C19orf33: variants seen among roughly 807,000 people sequenced by gnomAD.
C19orf33 encodes chromosome 19 open reading frame 33.
C19orf33 carries 9 observed loss-of-function variants against 9.7 expected under a neutral mutation model. The observed-to-expected ratio is 0.93, with a 90% CI of 0.56 to 1.61. The LOEUF is 1.61. C19orf33 is among the 40% of genes most tolerant of loss of function. The pLI, the probability that C19orf33 is intolerant of heterozygous loss-of-function variation, is 0.00. For synonymous variants in C19orf33, 61 were observed against 54.8 expected, an observed-to-expected ratio of 1.11 and a Z score of -0.50; for missense variants, 145 against 137.9, an observed-to-expected ratio of 1.05 and a Z score of -0.26.
rs1968896700 is a variant in C19orf33 at position 38,304,490 on chromosome 19, G to A, written c.138G>A (p.Lys46=). Residue 46 remains lysine, a splice_region_variant and synonymous_variant, in exon 2 of 4, where the codon AAG becomes AAA. Transcript: ENST00000301246. ...RSEAGAGPGP[K]QGHHSSSDSS... ...AGGCAGGGGCAGGTCCGGGTCCAAA[G>A]GTAAGTCGCCTCATCACCGGCTGCG... The A allele has an allele frequency of 1.3e-6, 2 of 1,556,794 alleles. No homozygotes were observed. The highest frequency in any genetic ancestry group is 1.4e-5 in the African/African-American group (1 of 73,458).
Position 38,304,510 on chromosome 19 carries a change from G to A in C19orf33, c.138+20G>A. The A allele has an allele frequency of 5.8e-6, 9 of 1,563,082 alleles. No individual in the cohort carries two copies. The highest frequency in any genetic ancestry group is 7.8e-6 in the Non-Finnish European group (9 of 1,153,878). On this transcript the variant is annotated intron_variant, in intron 2 of 3. Coordinates refer to ENST00000301246, the MANE Select transcript of C19orf33 (RefSeq NM_033520.3). Reference sequence around the variant, plus strand: ...CCAAAGGTAAGTCGCCTCATCACCGGCTGCGGAGGGGCGGGAAGGCTGGGG... The same window carrying A: ...CCAAAGGTAAGTCGCCTCATCACCGACTGCGGAGGGGCGGGAAGGCTGGGG...
chr19:38,304,946 G>A lies in C19orf33; in HGVS notation c.303G>A (p.Lys101=), dbSNP rs1568350843. Residue 101 remains lysine, a synonymous_variant, in exon 4 of 4, where the codon AAG becomes AAA. Transcript: ENST00000301246. ...KEKGKKEKGK[K]KEAPH is the part of the protein sequence containing the mutation. ...AGGGCAAGAAGGAGAAGGGCAAGAA[G>A]AAGGAGGCTCCCCACTGAAGGGCCC... 1 of 1,610,278 alleles carries A rather than the reference G, an allele frequency of 6.2e-7. No homozygotes were observed. Among genetic ancestry groups the A allele is most frequent in the African/African-American group, 1.3e-5 (1 of 74,820 alleles).
chr19:38,304,922 G>A lies in C19orf33; in HGVS notation c.279G>A (p.Lys93=). ...AGCCCAAAGTGAAGAAGAAGGAGAA[G>A]GGCAAGAAGGAGAAGGGCAAGAAGA... The part of the protein sequence containing the change: ...AKKPKVKKKE[K]GKKEKGKKKE... Residue 93 remains lysine, a synonymous_variant, in exon 4 of 4, where the codon AAG becomes AAA. Transcript: ENST00000301246. 6.2e-7 allele frequency: 1 copy of A among 1,612,314 alleles called. No individual in the cohort carries two copies.
chr19:38,304,571 A>C, intron 2 of C19orf33, 53 bp from the exon 3 acceptor site: 1 of 1,609,362 alleles, frequency 6.2e-7, no homozygotes, highest in Non-Finnish European at 8.5e-7. Flanking sequence ...TTAGGCCTCC[A>C]ACTTCAGGGG....
rs1214783347 is a variant in C19orf33 at position 38,304,837 on chromosome 19, C to T, written c.202-8C>T. 1 of 1,613,706 alleles carries T rather than the reference C, an allele frequency of 6.2e-7. No individual in the cohort carries two copies. Among genetic ancestry groups the T allele is most frequent in the Admixed American group, 1.7e-5 (1 of 60,030 alleles). ...TCTTCTCTCCCATCCCTGCCCTCGG[C>T]CCCACAGTCCCACGCTGCTGGCTCC... On this transcript the variant is annotated splice_region_variant and splice_polypyrimidine_tract_variant and intron_variant, in intron 3 of 3. Coordinates refer to ENST00000301246, the MANE Select transcript of C19orf33 (RefSeq NM_033520.3).
Position 38,304,929 on chromosome 19 carries a change from A to G in C19orf33, c.286A>G (p.Lys96Glu), listed in dbSNP as rs776688714. 12 of 1,612,512 alleles carry G rather than the reference A, an allele frequency of 7.4e-6. No homozygotes were observed. Among genetic ancestry groups the G allele is most frequent in the African/African-American group, 1.3e-5 (1 of 74,584 alleles). ...PKVKKKEKGK[K>E]EKGKKKEAPH is the part of the protein sequence containing the mutation. ...AGTGAAGAAGAAGGAGAAGGGCAAG[A>G]AGGAGAAGGGCAAGAAGAAGGAGGC... Residue 96 changes from lysine to glutamate, a missense_variant, in exon 4 of 4, where the codon AAG (lysine) becomes GAG (glutamate). Lys to Glu is a moderately conservative substitution (Grantham distance 56). Transcript: ENST00000301246.
rs371034707 is a variant in C19orf33, at chr19:38,304,700, G to C, written c.201+14G>C. Reference sequence around the variant, plus strand: ...ACGGATGTGAAGGTAAGGGGCTCTCGCCAGCGTCCCCAAGCACGTGCCCTG... The same window carrying C: ...ACGGATGTGAAGGTAAGGGGCTCTCCCCAGCGTCCCCAAGCACGTGCCCTG... On this transcript the variant is annotated intron_variant, in intron 3 of 3. Transcript: ENST00000301246. 1 of 1,613,618 alleles carries C rather than the reference G, an allele frequency of 6.2e-7. No homozygotes were observed. The highest frequency in any genetic ancestry group is 8.5e-7 in the Non-Finnish European group (1 of 1,179,962).
chr19:38,304,404 G>GT lies in C19orf33; in HGVS notation c.53dup (p.Ala20GlyfsTer?). ...GGAGCCCACCTCCCAGAAGCCCGGT[G>GT]TGGGGGCGGGCCACGGGGGAGATCC... is the stretch of plus-strand genomic sequence containing the variant. On this transcript the variant is annotated frameshift_variant, in exon 2 of 4. Coordinates refer to ENST00000301246, the MANE Select transcript of C19orf33 (RefSeq NM_033520.3). LOFTEE classifies it high-confidence loss of function. 6.4e-7 allele frequency: 1 copy of GT among 1,570,558 alleles called. No homozygotes were observed. The highest frequency in any genetic ancestry group is 1.3e-5 in the African/African-American group (1 of 74,308).
Position 38,304,839 on chromosome 19 carries a change from CCA to C in C19orf33, c.202-3_202-2del. 6.2e-7 allele frequency: 1 copy of C among 1,613,714 alleles called. No individual in the cohort carries two copies. The highest frequency in any genetic ancestry group is 8.5e-7 in the Non-Finnish European group (1 of 1,179,980). ...TTCTCTCCCATCCCTGCCCTCGGCCCCACAGTCCCACGCTGCTGGCTCCAAGC... is the reference window on the plus strand; with the variant it reads ...TTCTCTCCCATCCCTGCCCTCGGCCCCAGTCCCACGCTGCTGGCTCCAAGC... On this transcript the variant is annotated splice_region_variant and splice_polypyrimidine_tract_variant and intron_variant, in intron 3 of 3. Transcript: ENST00000301246.
Position 38,304,479 on chromosome 19 carries a change from C to T in C19orf33, c.127C>T (p.Pro43Ser). 6 of 1,555,724 alleles carry T rather than the reference C, an allele frequency of 3.9e-6. No individual in the cohort carries two copies. The highest frequency in any genetic ancestry group is 5.2e-6 in the Non-Finnish European group (6 of 1,150,052). Residue 43 changes from proline to serine, a missense_variant, in exon 2 of 4, where the codon CCG becomes TCG. Pro to Ser is a moderately conservative substitution (Grantham distance 74). Transcript: ENST00000301246. Reference sequence around the variant, plus strand: ...GGGCCGGTCGGAGGCAGGGGCAGGTCCGGGTCCAAAGGTAAGTCGCCTCAT... The same window carrying T: ...GGGCCGGTCGGAGGCAGGGGCAGGTTCGGGTCCAAAGGTAAGTCGCCTCAT... ...VQGRSEAGAG[P>S]GPKQGHHSSS... is the part of the protein sequence containing the mutation.
Position 38,304,481 on chromosome 19 carries a change from G to A in C19orf33, c.129G>A (p.Pro43=), listed in dbSNP as rs1412970127. 5.8e-6 allele frequency: 9 copies of A among 1,555,318 alleles called. No individual in the cohort carries two copies. Among genetic ancestry groups the A allele is most frequent in the African/African-American group, 1.4e-5 (1 of 73,400 alleles). ...VQGRSEAGAG[P]GPKQGHHSSS... ...GCCGGTCGGAGGCAGGGGCAGGTCC[G>A]GGTCCAAAGGTAAGTCGCCTCATCA... is the stretch of plus-strand genomic sequence containing the variant. Residue 43 remains proline, a synonymous_variant, in exon 2 of 4, where the codon CCG becomes CCA. Transcript: ENST00000301246.
Position 38,304,570 on chromosome 19 carries a change from C to T in C19orf33, c.139-54C>T, listed in dbSNP as rs557919273. On this transcript the variant is annotated intron_variant, in intron 2 of 3. Coordinates refer to ENST00000301246, the MANE Select transcript of C19orf33 (RefSeq NM_033520.3). ...ACCCCAGGGTCCTGCCTTAGGCCTC[C>T]AACTTCAGGGGGCTGGGTAAGGGGC... The T allele has an allele frequency of 5.3e-5, 86 of 1,609,124 alleles. 1 individual carries two copies. In the South Asian group the frequency reaches 9.3e-4, roughly 17 times the overall value.
At position 38,304,830 on chromosome 19, in the gene C19orf33, C is replaced by A. The variant is rs200992867; in HGVS notation, c.202-15C>A. On this transcript the variant is annotated splice_polypyrimidine_tract_variant and intron_variant, in intron 3 of 3. Coordinates refer to ENST00000301246, the MANE Select transcript of C19orf33 (RefSeq NM_033520.3). Reference sequence around the variant, plus strand: ...AACCATCTCTTCTCTCCCATCCCTGCCCTCGGCCCCACAGTCCCACGCTGC... The same window carrying A: ...AACCATCTCTTCTCTCCCATCCCTGACCTCGGCCCCACAGTCCCACGCTGC... The A allele has an allele frequency of 5.4e-5, 87 of 1,613,698 alleles. No homozygotes were observed. In the Admixed American group the frequency reaches 6.8e-4, roughly 13 times the overall value.
At chr19:38,304,723 C>G in intron 3 of C19orf33, 37 bp downstream of exon 3, 1 of 1,613,458 alleles carries the variant, frequency 6.2e-7, no homozygotes, top group Non-Finnish European at 8.5e-7. Context: ...AGCACGTGCC[C>G]TGCACCCCAG....
rs534734617 is a variant in C19orf33 at position 38,304,763 on chromosome 19, G to T, written c.201+77G>T. 46 of 1,612,122 alleles carry T rather than the reference G, an allele frequency of 2.9e-5. No individual in the cohort carries two copies. In the Admixed American group the frequency reaches 6.2e-4, roughly 22 times the overall value. ...GCGTCCCCGCACTGGGGCTGGCGGG[G>T]AGGGTGCGGGGAGTGGTCCCCCTGT... On this transcript the variant is annotated intron_variant, in intron 3 of 3. Transcript: ENST00000301246.
chr19:38,304,395 A>G lies in C19orf33; in HGVS notation c.43A>G (p.Lys15Glu), dbSNP rs762121560. 3.2e-6 allele frequency: 5 copies of G among 1,576,896 alleles called. No individual in the cohort carries two copies. The African/African-American group carries it at 4.0e-5, about 13-fold the overall frequency. ...CACAGCCCTGGAGCCCACCTCCCAG[A>G]AGCCCGGTGTGGGGGCGGGCCACGG... ...LGAALEPTSQ[K>E]PGVGAGHGGD... The change falls in exon 2 of 4, where the codon AAG becomes GAG. Residue 15 changes from lysine to glutamate, a missense_variant. Physicochemically the swap from Lys to Glu is moderately conservative, Grantham distance 56. Transcript: ENST00000301246.
chr19:38,304,383 C>G lies in C19orf33; in HGVS notation c.31C>G (p.Pro11Ala), dbSNP rs1036310233. ...CCAACTTCTCTCCACAGCCCTGGAG[C>G]CCACCTCCCAGAAGCCCGGTGTGGG... MEFDLGAALE[P>A]TSQKPGVGAG... The change falls in exon 2 of 4, where the codon CCC becomes GCC. Residue 11 changes from proline to alanine, a missense_variant. Transcript: ENST00000301246. The G allele has an allele frequency of 6.3e-7, 1 of 1,582,720 alleles. No individual in the cohort carries two copies. Among genetic ancestry groups the G allele is most frequent in the South Asian group, 1.1e-5 (1 of 87,056 alleles).
At position 38,304,476 on chromosome 19, in the gene C19orf33, G is replaced by A. The variant is rs1478666290; in HGVS notation, c.124G>A (p.Gly42Ser). 1 of 1,555,450 alleles carries A rather than the reference G, an allele frequency of 6.4e-7. No homozygotes were observed. The highest frequency in any genetic ancestry group is 8.7e-7 in the Non-Finnish European group (1 of 1,149,902). The stretch of plus-strand genomic sequence containing the variant: ...TCAGGGCCGGTCGGAGGCAGGGGCA[G>A]GTCCGGGTCCAAAGGTAAGTCGCCT... ...KVQGRSEAGAGPGPKQGHHSS... is the reference protein window; with the variant it reads ...KVQGRSEAGASPGPKQGHHSS... Residue 42 changes from glycine (G) to serine (S), a missense_variant, in exon 2 of 4, where the codon GGT (glycine) becomes AGT (serine). By Grantham distance (56) the Gly-to-Ser change is moderately conservative. Coordinates refer to ENST00000301246, the MANE Select transcript of C19orf33 (RefSeq NM_033520.3).
In C19orf33 at chr19:38,304,699, C is replaced by T. The variant is rs894171155; in HGVS notation, c.201+13C>T. 6.2e-7 allele frequency: 1 copy of T among 1,613,648 alleles called. No individual in the cohort carries two copies. The highest frequency in any genetic ancestry group is 1.1e-5 in the South Asian group (1 of 91,084). On this transcript the variant is annotated intron_variant, in intron 3 of 3. Coordinates refer to ENST00000301246, the MANE Select transcript of C19orf33 (RefSeq NM_033520.3). ...CACGGATGTGAAGGTAAGGGGCTCT[C>T]GCCAGCGTCCCCAAGCACGTGCCCT...
Sources: allele counts gnomAD v4.1 joint callset, GRCh38; gene constraint gnomAD v4.1.1; transcripts MANE v1.5; gene names NCBI Gene and HGNC (gene_info 2026-07-23, HGNC 2026-07-21).